The following TPCN2 variants were observed in gnomAD, a reference collection of about 807,000 sequenced individuals.
TPCN2 encodes two pore segment channel 2, also known as two pore channel protein 2.
A neutral mutation model predicts 111.4 loss-of-function variants in TPCN2; 92 were observed. The ratio of observed to expected loss-of-function variants is 0.83; its 90% CI spans 0.70 to 0.98. The LOEUF (loss-of-function observed/expected upper bound fraction) is 0.98. Among genes scored for constraint, TPCN2 ranks in the 50% least tolerant of loss-of-function variants. TPCN2 has a pLI of 0.00. For synonymous variants in TPCN2, 405 were observed against 414.5 expected, an observed-to-expected ratio of 0.98 and a Z score of 0.28; for missense variants, 995 against 980.1, an observed-to-expected ratio of 1.02 and a Z score of -0.20.
At chr11:69,059,063 C>T (rs191240848) in intron 5 of TPCN2, among the ~76,000 whole-genome samples, 94 of 152,346 alleles carry the variant, frequency 6.2e-4, no homozygotes, top group African/African-American at 2.0e-3. Flanking sequence ...CCACCTGCTC[C>T]GCGCTCCCTT....
At chr11:69,086,044 C>T (rs1037341820) in intron 22 of TPCN2, 114 bp downstream of exon 22, 21 of 1,026,534 alleles carry the variant, frequency 2.0e-5, no homozygotes, top group Middle Eastern at 2.0e-4. Flanking sequence ...GACGGGGACT[C>T]GGGCCTTGAC....
Position 69,051,231 on chromosome 11 carries a change from G to A in TPCN2, c.109+2125G>A, listed in dbSNP as rs1861212607. On this transcript the variant is annotated intron_variant, in intron 1 of 24. Coordinates refer to ENST00000294309, the MANE Select transcript of TPCN2 (RefSeq NM_139075.4). ...TGACTTGGCCCCACCTGATGGGGCC[G>A]GGGTCAAAGGTTGAGAACAGTTGTT... 2.0e-5 allele frequency among the ~76,000 whole-genome samples: 3 copies of A among 152,236 alleles called. No homozygotes were observed. In the South Asian group the frequency reaches 6.2e-4, roughly 32 times the overall value.
In TPCN2 at chr11:69,064,940, TTTGTA is replaced by T. The variant is rs1565084725; in HGVS notation, c.726+975_726+979del. ...TGGTGTCTGTATGTCTGTGTGTGTG[TTTGTA>T]TGTGTGCATGTGTAGTGTCTGTGCA... On this transcript the variant is annotated intron_variant, in intron 7 of 24. Coordinates refer to ENST00000294309, the MANE Select transcript of TPCN2 (RefSeq NM_139075.4). 3.6e-3 allele frequency among the ~76,000 whole-genome samples: 519 copies of T among 142,248 alleles called. 4 individuals carry two copies. The highest frequency in any genetic ancestry group is 0.013 in the African/African-American group (496 of 39,344). 93.3% of individuals were successfully genotyped at this position (142,248 alleles called of 152,430 possible). A position where few individuals can be genotyped will look rare whatever the true frequency, so the allele number is the denominator to read the frequency against.
intron 5 of TPCN2, among the ~76,000 whole-genome samples, chr11:69,061,480 GC>G (rs769037889): frequency 3.3e-5 from 5 of 152,218 alleles, no homozygotes; most frequent in Non-Finnish European, 4.4e-5. Context: ...AGATTGACAG[GC>G]GCCAAAGTGT....
chr11:69,067,490 C>T lies in TPCN2; in HGVS notation c.727-13C>T, dbSNP rs779725408. 5.6e-6 allele frequency: 9 copies of T among 1,611,362 alleles called. No homozygotes were observed. In the South Asian group the frequency reaches 8.8e-5, roughly 16 times the overall value. On this transcript the variant is annotated splice_polypyrimidine_tract_variant and intron_variant, in intron 7 of 24. Coordinates refer to ENST00000294309, the MANE Select transcript of TPCN2 (RefSeq NM_139075.4). Reference sequence around the variant, plus strand: ...ACCCAGTGGTGCCCTGGAGCTGCCGCTTCTGCTCTTAGCAGGATGATGGGC... The same window carrying T: ...ACCCAGTGGTGCCCTGGAGCTGCCGTTTCTGCTCTTAGCAGGATGATGGGC...
chr11:69,063,952 G>C lies in TPCN2; in HGVS notation c.711G>C (p.Leu237=). Residue 237 remains leucine, a synonymous_variant, in exon 7 of 25, where the codon CTG becomes CTC. Transcript: ENST00000294309. ...LCLFTMFGML[L]FAGGKQDDGQ... ...TCTTCACCATGTTCGGAATGCTGCTGTTCGCTGGTGGGAAGGTAGGGCACC... is the reference window on the plus strand; with the variant it reads ...TCTTCACCATGTTCGGAATGCTGCTCTTCGCTGGTGGGAAGGTAGGGCACC... 6.2e-7 allele frequency: 1 copy of C among 1,614,112 alleles called. No homozygotes were observed. Among genetic ancestry groups the C allele is most frequent in the Non-Finnish European group, 8.5e-7 (1 of 1,180,006 alleles).
chr11:69,085,996 C>T, intron 22 of TPCN2, 66 bp downstream of exon 22: 7 of 1,474,050 alleles, frequency 4.7e-6, no homozygotes, highest in South Asian at 3.5e-5. Context: ...CACCTCCGGG[C>T]ACGCTGCATC....
chr11:69,053,049 T>C (rs60516114), intron 1 of TPCN2, among the ~76,000 whole-genome samples: 11,289 of 152,282 alleles, frequency 0.074, 1,449 homozygotes, highest in African/African-American at 0.26. Flanking sequence ...CCAGGCTCCC[T>C]GCAGTGGCTC....
rs763686175 is a variant in TPCN2 at position 69,085,679 on chromosome 11, C to T, written c.1847C>T (p.Pro616Leu). 13 of 1,613,026 alleles carry T rather than the reference C, an allele frequency of 8.1e-6. No homozygotes were observed. The East Asian group carries it at 2.9e-4, about 36-fold the overall frequency. ...TGTGTTGTGTTCCCCAGCCTGGCCC[C>T]TGCCAATGGCTCGGCGCCCTGTGGG... The part of the protein sequence containing the change: ...VALPGNSSLA[P>L]ANGSAPCGSF... The change falls in exon 21 of 25, where the codon CCT (proline) becomes CTT (leucine). Residue 616 changes from proline (P) to leucine (L), a missense_variant. Physicochemically the swap from Pro to Leu is moderately conservative, Grantham distance 98 (BLOSUM62 -3). Coordinates refer to ENST00000294309, the MANE Select transcript of TPCN2 (RefSeq NM_139075.4).
chr11:69,082,447 G>C (rs1490825082), intron 18 of TPCN2, among the ~76,000 whole-genome samples: 1 of 152,282 alleles, frequency 6.6e-6, no homozygotes, highest in African/African-American at 2.4e-5. Flanking sequence ...CCGCATCACC[G>C]TATGCACAGA....
intron 2 of TPCN2, chr11:69,054,515 C>A: frequency 1.7e-6 from 1 of 593,700 alleles, no homozygotes. Context: ...GGGTGTGTGG[C>A]CTGTGAGGTC....
At chr11:69,062,443 G>A (rs1855064279) in intron 5 of TPCN2, among the ~76,000 whole-genome samples, 1 of 152,034 alleles carries the variant, frequency 6.6e-6, no homozygotes, top group African/African-American at 2.4e-5. Flanking sequence ...GGGAAGGCTT[G>A]GAGATGGGGA....
chr11:69,080,751 CACTGT>C (rs1189056688), intron 17 of TPCN2, among the ~76,000 whole-genome samples: 2 of 152,246 alleles, frequency 1.3e-5, no homozygotes, highest in African/African-American at 4.8e-5. Context: ...CAGGCAGTGC[CACTGT>C]GCTGTGCCGT....
intron 16 of TPCN2, 169 bp downstream of exon 16, chr11:69,079,189 G>T: frequency 1.2e-6 from 1 of 855,406 alleles, no homozygotes. Context: ...GTTGCTCAGT[G>T]GGCAGCCGGT....
In TPCN2 at chr11:69,081,397, C is replaced by T; in HGVS notation, c.1590-3C>T. On this transcript the variant is annotated splice_polypyrimidine_tract_variant and splice_region_variant and intron_variant, in intron 17 of 24. Transcript: ENST00000294309. ...CCAACCCGCCTCCCGTGTCTCTCCCCAGGAGGCCGGAGATGGTGGGCCTGC... is the reference window on the plus strand; with the variant it reads ...CCAACCCGCCTCCCGTGTCTCTCCCTAGGAGGCCGGAGATGGTGGGCCTGC... The T allele has an allele frequency of 6.5e-7, 1 of 1,547,786 alleles. No homozygotes were observed.
intron 6 of TPCN2, 128 bp from the exon 7 acceptor site, chr11:69,063,767 G>C (rs1855129223): frequency 1.2e-6 from 1 of 820,278 alleles, no homozygotes; most frequent in Non-Finnish European, 2.0e-6. Context: ...GGGGGACCCA[G>C]CTGCTGCCTG....
rs1855893828 is a variant in TPCN2, at chr11:69,078,780, A to G, written c.1397A>G (p.Asp466Gly). 2 of 1,613,854 alleles carry G rather than the reference A, an allele frequency of 1.2e-6. No homozygotes were observed. Among genetic ancestry groups the G allele is most frequent in the South Asian group, 2.2e-5 (2 of 91,086 alleles). ...DADVLPAERD[D>G]FILGILNCVF... ...GATGTGCTGCCTGCTGAGCGTGATG[A>G]CTTCATCCTGGGGGTAAGTTCTGAG... The change falls in exon 15 of 25, where the codon GAC (aspartate) becomes GGC (glycine). Residue 466 changes from aspartate to glycine, a missense_variant. By Grantham distance (94) the Asp-to-Gly change is moderately conservative. Coordinates refer to ENST00000294309, the MANE Select transcript of TPCN2 (RefSeq NM_139075.4).
Position 69,085,372 on chromosome 11 carries a change from A to G in TPCN2, c.1838+86A>G, listed in dbSNP as rs1856226551. The G allele has an allele frequency of 2.6e-5, 34 of 1,329,686 alleles. No individual in the cohort carries two copies. In the South Asian group the frequency reaches 4.0e-4, roughly 16 times the overall value. 82.4% of individuals were successfully genotyped at this position (1,329,686 alleles called of 1,614,324 possible). On this transcript the variant is annotated intron_variant, in intron 20 of 24. Coordinates refer to ENST00000294309, the MANE Select transcript of TPCN2 (RefSeq NM_139075.4). ...CCTTGGCGGTGGCCTCAGTGGGCTC[A>G]GCATCTCAGGATGGGAGGGTGTTCT...
intron 17 of TPCN2, among the ~76,000 whole-genome samples, chr11:69,081,014 C>T (rs1218731217): frequency 2.6e-5 from 4 of 151,962 alleles, no homozygotes; most frequent in East Asian, 3.9e-4. Flanking sequence ...CGCAGGAGAC[C>T]GGGGCAGGAG....
Sources: gnomAD v4.1 joint callset for allele counts (sites outside exome capture counted in the v4.1 genomes callset) on GRCh38, gnomAD v4.1.1 for gene constraint, MANE v1.5 for transcripts, NCBI Gene and HGNC (gene_info 2026-07-23, HGNC 2026-07-21) for gene names.